Variants in KCNN2 observed in about 807,000 individuals in gnomAD.
KCNN2 encodes the protein small conductance calcium-activated potassium channel protein 2.
A neutral mutation model predicts 55.5 loss-of-function variants in KCNN2; 24 were observed. The ratio of observed to expected loss-of-function variants is 0.43; its 90% CI spans 0.31 to 0.61. KCNN2 has a LOEUF of 0.61. Among genes scored for constraint, KCNN2 ranks in the 20% least tolerant of loss-of-function variants. The pLI is 0.08. For missense variants in KCNN2, 754 were observed against 853.6 expected (o/e 0.88, Z 1.45); for synonymous variants, 431 against 336.1 (o/e 1.28, Z -3.09).
rs771555735 is a variant in KCNN2 at position 114,378,206 on chromosome 5, G to A, written c.1218+14205G>A. Among the ~76,000 whole-genome samples the A allele has an allele frequency of 5.9e-5, 9 of 152,160 alleles. No individual in the cohort carries two copies. The South Asian group carries it at 1.2e-3, about 21-fold the overall frequency. On this transcript the variant is annotated intron_variant, in intron 2 of 7. Coordinates refer to ENST00000673685, the MANE Select transcript of KCNN2 (RefSeq NM_021614.4). ...AAAACTTTTATTGGAACACAGCCAC[G>A]CCCACTTGTTCAGGTATTGTATATT...
At chr5:114,197,248 A>G (rs1753576347) in intron 1 of KCNN2, among the ~76,000 whole-genome samples, 1 of 152,120 alleles carries the variant, frequency 6.6e-6, no homozygotes, top group African/African-American at 2.4e-5. Context: ...ATGGCTTAGC[A>G]TATTGGCTTT....
At chr5:114,215,441 G>A (rs377014130) in intron 1 of KCNN2, among the ~76,000 whole-genome samples, 1 of 152,074 alleles carries the variant, frequency 6.6e-6, no homozygotes, top group Middle Eastern at 3.2e-3. Context: ...CTTATACTTG[G>A]TGACACAGAA....
chr5:114,295,358 C>T (rs368441647), intron 2 of KCNN2, among the ~76,000 whole-genome samples: 3 of 152,176 alleles, frequency 2.0e-5, no homozygotes, highest in Admixed American at 6.5e-5. Context: ...CCACCCAGTT[C>T]GAGCTTCCAG....
At chr5:114,334,169 T>C (rs1756876381) in intron 2 of KCNN2, among the ~76,000 whole-genome samples, 1 of 152,154 alleles carries the variant, frequency 6.6e-6, no homozygotes, top group African/African-American at 2.4e-5. Context: ...TATTATTTTA[T>C]TATTTCCCTT....
intron 1 of KCNN2, among the ~76,000 whole-genome samples, chr5:114,214,976 A>C (rs11241270): frequency 0.076 from 11,496 of 152,206 alleles, 603 homozygotes; most frequent in Middle Eastern, 0.15. Flanking sequence ...ATAGTCTGGT[A>C]TTATTTATTT....
intron 2 of KCNN2, among the ~76,000 whole-genome samples, chr5:114,293,418 T>C (rs1277172951): frequency 6.6e-6 from 1 of 152,210 alleles, no homozygotes; most frequent in East Asian, 1.9e-4. Context: ...TTGAATTTTG[T>C]CAAAGGCCAT....
chr5:114,276,509 G>A (rs1755490864), intron 2 of KCNN2, among the ~76,000 whole-genome samples: 2 of 152,094 alleles, frequency 1.3e-5, no homozygotes, highest in African/African-American at 4.8e-5. Context: ...GAATCTGGGT[G>A]CTCCTGTATT....
At chr5:114,380,590 C>G (rs1180041063) in intron 2 of KCNN2, among the ~76,000 whole-genome samples, 1 of 152,214 alleles carries the variant, frequency 6.6e-6, no homozygotes, top group African/African-American at 2.4e-5. Context: ...TGTGAGAATT[C>G]TACTATACTT....
chr5:114,356,933 G>A (rs2150042218), intron 2 of KCNN2, among the ~76,000 whole-genome samples: 1 of 152,124 alleles, frequency 6.6e-6, no homozygotes, highest in East Asian at 1.9e-4. Flanking sequence ...TTCCCCACTG[G>A]CATTTATTGC....
intron 2 of KCNN2, among the ~76,000 whole-genome samples, chr5:114,288,499 T>TAC (rs1203371494): frequency 8.5e-4 from 118 of 139,612 alleles, no homozygotes; most frequent in African/African-American, 2.6e-3. Context: ...TATATATATA[T>TAC]ACACACACAC....
At chr5:114,450,990 A>T (rs1289056238) in intron 3 of KCNN2, among the ~76,000 whole-genome samples, 1 of 152,216 alleles carries the variant, frequency 6.6e-6, no homozygotes, top group Admixed American at 6.5e-5. Flanking sequence ...ATTTTCTAAT[A>T]ATATATAAAT....
Position 114,363,962 on chromosome 5 carries a change from G to C in KCNN2, c.1179G>C (p.Leu393=). The stretch of plus-strand genomic sequence containing the variant: ...TTATCAGTCTCTCCACGATCATCCT[G>C]CTCGGTCTGATCATCGTGTACCACG... The part of the protein sequence containing the change: ...KCLISLSTII[L]LGLIIVYHAR... Residue 393 remains leucine, a synonymous_variant, in exon 2 of 8, where the codon CTG becomes CTC. Transcript: ENST00000673685. 1 of 1,614,010 alleles carries C rather than the reference G, an allele frequency of 6.2e-7. No individual in the cohort carries two copies. Among genetic ancestry groups the C allele is most frequent in the Non-Finnish European group, 8.5e-7 (1 of 1,179,924 alleles).
intron 1 of KCNN2, among the ~76,000 whole-genome samples, chr5:114,135,618 G>A (rs1239220394): frequency 6.6e-6 from 1 of 152,218 alleles, no homozygotes; most frequent in East Asian, 1.9e-4. Flanking sequence ...GCCCACGGTT[G>A]AGCATCCATC....
intron 1 of KCNN2, among the ~76,000 whole-genome samples, chr5:114,161,672 C>T (rs956540346): frequency 6.6e-6 from 1 of 152,152 alleles, no homozygotes; most frequent in Non-Finnish European, 1.5e-5. Flanking sequence ...TTCACATAGT[C>T]CCATATTTCT....
chr5:114,374,696 T>C (rs999397454), intron 2 of KCNN2, among the ~76,000 whole-genome samples: 2 of 152,198 alleles, frequency 1.3e-5, no homozygotes, highest in African/African-American at 2.4e-5. Context: ...TAAGGTGTTA[T>C]TGTTGAGTGA....
At chr5:114,056,882 C>G (rs1750221482) in intron 1 of KCNN2, among the ~76,000 whole-genome samples, 1 of 152,018 alleles carries the variant, frequency 6.6e-6, no homozygotes, top group African/African-American at 2.4e-5. Context: ...AAATATGAAC[C>G]AAATGAAGGG....
At chr5:114,155,750 G>A (rs1454784003) in intron 1 of KCNN2, among the ~76,000 whole-genome samples, 2 of 152,064 alleles carry the variant, frequency 1.3e-5, no homozygotes, top group African/African-American at 4.8e-5. Flanking sequence ...TTGTAAATTT[G>A]TTTAAGTTCC....
At chr5:114,166,793 C>A (rs1170566265) in intron 1 of KCNN2, among the ~76,000 whole-genome samples, 5 of 152,012 alleles carry the variant, frequency 3.3e-5, no homozygotes, top group Admixed American at 3.3e-4. Context: ...GGGGTAGGGC[C>A]TTTTGGAGGT....
chr5:114,120,918 G>A (rs765092622), intron 1 of KCNN2, among the ~76,000 whole-genome samples: 7 of 152,232 alleles, frequency 4.6e-5, no homozygotes, highest in Non-Finnish European at 8.8e-5. Context: ...AATATGAGCT[G>A]CTGTGTCTAG....
Sources: allele counts gnomAD v4.1 joint callset (sites outside exome capture counted in the v4.1 genomes callset), GRCh38; gene constraint gnomAD v4.1.1; transcripts MANE v1.5; gene names NCBI Gene and HGNC (gene_info 2026-07-23, HGNC 2026-07-21).